Variants in SCN8A observed in about 807,000 individuals in gnomAD.
SCN8A encodes the protein sodium channel protein type 8 subunit alpha.
A neutral mutation model predicts 184.1 loss-of-function variants in SCN8A; 30 were observed. The ratio of observed to expected loss-of-function variants is 0.16; its 90% CI spans 0.12 to 0.22. SCN8A has a LOEUF of 0.22. Ranked by LOEUF, SCN8A falls within the 10% of genes least tolerant of loss-of-function variation. The probability of loss-of-function intolerance (pLI) is 1.00; values close to 1 mark genes in which losing one functional copy is unlikely to be tolerated. For missense variants in SCN8A, 1,057 were observed against 2,498.9 expected (o/e 0.42, Z 12.30); for synonymous variants, 852 against 907.0 (o/e 0.94, Z 1.09).
At chr12:51,700,268 AG>A (rs1177779535) in intron 7 of SCN8A, among the ~76,000 whole-genome samples, 3 of 152,100 alleles carry the variant, frequency 2.0e-5, no homozygotes, top group African/African-American at 7.2e-5. Flanking sequence ...TCCTCGACGT[AG>A]GATTGTGTTC....
Position 51,710,519 on chromosome 12 carries a change from C to T in SCN8A, c.1635+3804C>T, listed in dbSNP as rs149221881. 5.4e-3 allele frequency among the ~76,000 whole-genome samples: 821 copies of T among 152,112 alleles called. 6 individuals are homozygous for T. Among genetic ancestry groups the T allele is most frequent in the African/African-American group, 0.019 (787 of 41,478 alleles). On this transcript the variant is annotated intron_variant, in intron 11 of 26. Coordinates refer to ENST00000627620, the MANE Select transcript of SCN8A (RefSeq NM_001330260.2). ...TGTCTCTACCAAAAAATTGGCCAGG[C>T]GTGGTGGCCCATGCCTGTAGTCCCA...
At chr12:51,734,653 G>A (rs1294050272) in intron 12 of SCN8A, among the ~76,000 whole-genome samples, 1 of 152,194 alleles carries the variant, frequency 6.6e-6, no homozygotes, top group East Asian at 1.9e-4. Flanking sequence ...CAGAGATTTT[G>A]TTTATGGCCA....
In SCN8A at chr12:51,701,285, G is replaced by A. The variant is rs150718527; in HGVS notation, c.992+78G>A. On this transcript the variant is annotated intron_variant, in intron 8 of 26. Coordinates refer to ENST00000627620, the MANE Select transcript of SCN8A (RefSeq NM_001330260.2). ...TTAGTAGGGTCAAAATAGGCAATAT[G>A]TTTACTTTTCTTTGTGCTCAAGTAG... is the stretch of plus-strand genomic sequence containing the variant. The A allele has an allele frequency of 2.7e-5, 24 of 889,106 alleles. No individual in the cohort carries two copies. The East Asian group carries it at 6.5e-4, about 24-fold the overall frequency. 55.1% of individuals were successfully genotyped at this position (889,106 alleles called of 1,614,324 possible). A position where few individuals can be genotyped will look rare whatever the true frequency, so the allele number is the denominator to read the frequency against.
At chr12:51,701,911 G>A (rs1432854971) in intron 8 of SCN8A, among the ~76,000 whole-genome samples, 1 of 152,134 alleles carries the variant, frequency 6.6e-6, no homozygotes, top group Non-Finnish European at 1.5e-5. Flanking sequence ...GACTACTAGA[G>A]ATTACATTGA....
chr12:51,741,563 C>T (rs1942423976), intron 12 of SCN8A, among the ~76,000 whole-genome samples: 1 of 151,896 alleles, frequency 6.6e-6, no homozygotes, highest in Non-Finnish European at 1.5e-5. Context: ...CCTTGTCTTC[C>T]CCTTAGTGAA....
chr12:51,686,655 C>T (rs1941425703), intron 4 of SCN8A, among the ~76,000 whole-genome samples, 198 bp downstream of exon 4: 1 of 152,218 alleles, frequency 6.6e-6, no homozygotes, highest in Non-Finnish European at 1.5e-5. Context: ...TACTGCCCTT[C>T]ACTCCACCCT....
chr12:51,595,544 C>T (rs547899481), intron 1 of SCN8A, among the ~76,000 whole-genome samples: 150 of 152,202 alleles, frequency 9.9e-4, no homozygotes, highest in Non-Finnish European at 4.1e-4. Flanking sequence ...ATTCAAATCC[C>T]GACTCTGCTA....
chr12:51,807,291 A>G lies in SCN8A; in HGVS notation c.5805A>G (p.Lys1935=). ...LENGGTHREK[K]ESTPSTASLP... ...ATGGAGGCACACACCGGGAGAAAAA[A>G]GAGAGCACCCCATCTACAGCCTCCC... Residue 1935 remains lysine, a synonymous_variant, in exon 27 of 27, where the codon AAA becomes AAG. Transcript: ENST00000627620. This position sits in a 1 kb window ranked among gnomAD's most constrained non-coding sequence, Gnocchi z 4.5. 1.2e-6 allele frequency: 2 copies of G among 1,614,018 alleles called. No individual in the cohort carries two copies. The highest frequency in any genetic ancestry group is 1.7e-6 in the Non-Finnish European group (2 of 1,179,888).
At chr12:51,660,291 A>G (rs1316564002) in intron 1 of SCN8A, among the ~76,000 whole-genome samples, 1 of 152,224 alleles carries the variant, frequency 6.6e-6, no homozygotes, top group Non-Finnish European at 1.5e-5. Context: ...CAGGATCTGA[A>G]AGCAAAGACA....
chr12:51,662,899 C>T lies in SCN8A; in HGVS notation c.82C>T (p.Arg28Cys), dbSNP rs768570935. 13 of 1,613,856 alleles carry T rather than the reference C, an allele frequency of 8.1e-6. No homozygotes were observed. The highest frequency in any genetic ancestry group is 6.7e-5 in the Admixed American group (4 of 60,004). ...TPESLANIERRIAESKLKKPP... is the reference protein window; with the variant it reads ...TPESLANIERCIAESKLKKPP... ...TGAGTCACTGGCAAACATTGAGAGG[C>T]GCATTGCTGAGAGCAAGCTCAAGAA... Residue 28 changes from arginine (R) to cysteine (C), a missense_variant, in exon 2 of 27, where the codon CGC becomes TGC. Physicochemically the swap from Arg to Cys is radical, Grantham distance 180. Around this residue, in one of 19 missense-constraint regions of SCN8A, gnomAD observed 45 missense variants for 71.3 expected, o/e 0.63. Coordinates refer to ENST00000627620, the MANE Select transcript of SCN8A (RefSeq NM_001330260.2).
At chr12:51,677,243 C>G (rs1026103907) in intron 2 of SCN8A, among the ~76,000 whole-genome samples, 3 of 151,984 alleles carry the variant, frequency 2.0e-5, no homozygotes, top group African/African-American at 7.3e-5. Context: ...TGCCACCATT[C>G]CCAGCAAATT....
chr12:51,779,066 T>C (rs58516001), intron 20 of SCN8A, among the ~76,000 whole-genome samples: 16,466 of 151,594 alleles, frequency 0.11, 1,166 homozygotes, highest in East Asian at 0.36. Context: ...AAATACAAAA[T>C]TAGCCGGGCA....
At chr12:51,690,540 T>C (rs1411901579) in intron 6 of SCN8A, among the ~76,000 whole-genome samples, 1 of 152,074 alleles carries the variant, frequency 6.6e-6, no homozygotes, top group Non-Finnish European at 1.5e-5. Flanking sequence ...AAAATTTTTT[T>C]GTAGAGACAG....
chr12:51,605,269 C>G (rs750510265), intron 1 of SCN8A, among the ~76,000 whole-genome samples: 3 of 152,140 alleles, frequency 2.0e-5, no homozygotes, highest in Non-Finnish European at 2.9e-5. Flanking sequence ...TGCCTTCTTC[C>G]CCAAAGTCCA....
chr12:51,623,633 C>CT lies in SCN8A; in HGVS notation c.-55+32277dup, dbSNP rs1226341321. ...TATTTTCTTTTTTTTTATTATTATA[C>CT]TTTAAGTTTTAGGGTACATGTGCAC... is the stretch of plus-strand genomic sequence containing the variant. On this transcript the variant is annotated intron_variant, in intron 1 of 26. Coordinates refer to ENST00000627620, the MANE Select transcript of SCN8A (RefSeq NM_001330260.2). Among the ~76,000 whole-genome samples the CT allele has an allele frequency of 3.3e-5, 5 of 152,040 alleles. No homozygotes were observed. In the East Asian group the frequency reaches 7.7e-4, roughly 23 times the overall value.
intron 9 of SCN8A, among the ~76,000 whole-genome samples, chr12:51,703,854 G>C (rs1311997903): frequency 1.3e-5 from 2 of 151,966 alleles, no homozygotes; most frequent in African/African-American, 4.8e-5. Flanking sequence ...ACAGCCTAGA[G>C]TTCCCTCAGG....
chr12:51,739,310 C>T (rs915877521), intron 12 of SCN8A, among the ~76,000 whole-genome samples: 1 of 152,036 alleles, frequency 6.6e-6, no homozygotes, highest in Non-Finnish European at 1.5e-5. Flanking sequence ...TGAATTCCTG[C>T]CTGAATAGAA....
At chr12:51,692,302 T>C (rs1941524239) in intron 6 of SCN8A, among the ~76,000 whole-genome samples, 1 of 152,194 alleles carries the variant, frequency 6.6e-6, no homozygotes, top group African/African-American at 2.4e-5. Flanking sequence ...GATACTGTCC[T>C]TCCTCTTTGT....
chr12:51,624,900 A>G (rs577458524), intron 1 of SCN8A, among the ~76,000 whole-genome samples: 14 of 151,264 alleles, frequency 9.3e-5, no homozygotes, highest in South Asian at 2.1e-4. Flanking sequence ...TCAAAACACT[A>G]TTTTCTAAGG....
Sources: gnomAD v4.1 joint callset for allele counts (sites outside exome capture counted in the v4.1 genomes callset) on GRCh38, gnomAD v4.1.1 for gene constraint, gnomAD v4.1.1 regional missense constraint, Gnocchi (gnomAD v3.1) non-coding constraint, MANE v1.5 for transcripts, NCBI Gene and HGNC (gene_info 2026-07-23, HGNC 2026-07-21) for gene names.